IGSF11: variants seen among roughly 807,000 people sequenced by gnomAD.
The protein encoded by IGSF11 is immunoglobulin superfamily member 11, also known as CXADR like 1.
A neutral mutation model predicts 41.0 loss-of-function variants in IGSF11; 22 were observed. The observed-to-expected ratio is 0.54, with a 90% CI of 0.38 to 0.77. The LOEUF is 0.77. Ranked by LOEUF, IGSF11 falls within the 30% of genes least tolerant of loss-of-function variation. IGSF11 has a pLI of 0.00. For synonymous variants in IGSF11, 219 were observed against 201.3 expected, an observed-to-expected ratio of 1.09 and a Z score of -0.74; for missense variants, 444 against 530.8, an observed-to-expected ratio of 0.84 and a Z score of 1.61.
chr3:119,039,556 G>T (rs559471149), upstream of IGSF11, among the ~76,000 whole-genome samples: 2 of 152,288 alleles, frequency 1.3e-5, no homozygotes, highest in South Asian at 4.1e-4. Context: ...AGGTTCTGGG[G>T]ATTAGGAAGT....
At chr3:119,087,475 A>G (rs1321879642) in intron 1 of IGSF11, among the ~76,000 whole-genome samples, 1 of 152,042 alleles carries the variant, frequency 6.6e-6, no homozygotes, top group South Asian at 2.1e-4. Flanking sequence ...CATACACAGC[A>G]ACCTGGATGG....
At chr3:118,903,003 A>G (rs369198759) in intron 6 of IGSF11, 42 bp from the exon 7 acceptor site, 1 of 1,555,566 alleles carries the variant, frequency 6.4e-7, no homozygotes, top group Admixed American at 1.7e-5. Flanking sequence ...ATTTACTTCA[A>G]GTTAATCCTA....
intron 1 of IGSF11, among the ~76,000 whole-genome samples, chr3:119,065,659 G>A (rs912406227): frequency 2.6e-5 from 4 of 152,046 alleles, no homozygotes; most frequent in African/African-American, 9.6e-5. Flanking sequence ...TGGGCATGGT[G>A]GTGTGCAACT....
intron 1 of IGSF11, among the ~76,000 whole-genome samples, chr3:119,059,133 A>T (rs893080275): frequency 1.4e-5 from 2 of 144,188 alleles, no homozygotes; most frequent in South Asian, 4.4e-4. Flanking sequence ...ATAATAATAA[A>T]ATTTAAAAAA....
chr3:119,116,428 T>G (rs1381610118), intron 1 of IGSF11, among the ~76,000 whole-genome samples: 1 of 152,138 alleles, frequency 6.6e-6, no homozygotes, highest in Non-Finnish European at 1.5e-5. Context: ...TTACTCAACC[T>G]TCATAATCAC....
intron 1 of IGSF11, among the ~76,000 whole-genome samples, chr3:118,944,180 T>C (rs1424751851): frequency 6.6e-6 from 1 of 152,204 alleles, no homozygotes; most frequent in South Asian, 2.1e-4. Context: ...AACATACAAA[T>C]ATTTTAAATG....
At chr3:118,960,619 G>GA (rs1383561540) in intron 1 of IGSF11, among the ~76,000 whole-genome samples, 4 of 151,236 alleles carry the variant, frequency 2.6e-5, no homozygotes, top group African/African-American at 7.3e-5. Context: ...AATTTAAGGG[G>GA]AAAAAAACAA....
At chr3:118,958,110 C>T (rs1945091179) in intron 1 of IGSF11, among the ~76,000 whole-genome samples, 1 of 152,134 alleles carries the variant, frequency 6.6e-6, no homozygotes, top group East Asian at 1.9e-4. Context: ...TGAAAATCAC[C>T]TTTTTTCTTC....
At chr3:118,988,571 T>A (rs548776351) in intron 1 of IGSF11, among the ~76,000 whole-genome samples, 158 of 152,140 alleles carry the variant, frequency 1.0e-3, no homozygotes, top group Non-Finnish European at 1.8e-3. Context: ...TGATTAACGA[T>A]CTTTGATTAA....
intron 1 of IGSF11, among the ~76,000 whole-genome samples, chr3:118,999,171 G>A (rs1936564395): frequency 6.6e-6 from 1 of 151,888 alleles, no homozygotes; most frequent in South Asian, 2.1e-4. Flanking sequence ...ATGGGGCCAG[G>A]ATATGAGAAA....
At chr3:119,105,225 G>A (rs1197269019), upstream of IGSF11, 2 of 1,462,864 alleles carry the variant, frequency 1.4e-6, no homozygotes, top group East Asian at 2.3e-5. Flanking sequence ...GTGAGAACAG[G>A]GGAAGAGAGA....
chr3:118,985,197 A>G (rs1194637458), intron 1 of IGSF11, among the ~76,000 whole-genome samples: 1 of 152,164 alleles, frequency 6.6e-6, no homozygotes, highest in East Asian at 1.9e-4. Context: ...TCAAAATTCA[A>G]TCTTGTTTAA....
intron 1 of IGSF11, among the ~76,000 whole-genome samples, chr3:119,134,822 A>G (rs561960752): frequency 9.1e-4 from 139 of 152,362 alleles, no homozygotes; most frequent in Non-Finnish European, 1.6e-3. Context: ...ACAAGGCTAC[A>G]GTAACCACAA....
intron 1 of IGSF11, among the ~76,000 whole-genome samples, chr3:118,978,759 A>G (rs1934396762): frequency 6.6e-6 from 1 of 152,306 alleles, no homozygotes; most frequent in South Asian, 2.1e-4. Context: ...AACCGACACC[A>G]TATATTCATC....
At chr3:119,060,208 C>A (rs17202957) in intron 1 of IGSF11, among the ~76,000 whole-genome samples, 41,019 of 152,106 alleles carry the variant, frequency 0.27, 6,225 homozygotes, top group Middle Eastern at 0.4. Context: ...AGAACATTGT[C>A]TTTAGGATTA....
At chr3:118,982,250 T>C (rs748775633) in intron 1 of IGSF11, among the ~76,000 whole-genome samples, 3 of 151,386 alleles carry the variant, frequency 2.0e-5, no homozygotes, top group Non-Finnish European at 4.4e-5. Context: ...AGAGCTAGAG[T>C]TTCTAGCAAC....
Position 118,923,324 on chromosome 3 carries a change from C to T in IGSF11, c.580+2777G>A, listed in dbSNP as rs77541230. ...ACTTGGTGAAAGGAACTAGTTAGTGCGCTCAGTCTCTTTTATAAGGTTGAA... is the reference window on the plus strand; with the variant it reads ...ACTTGGTGAAAGGAACTAGTTAGTGTGCTCAGTCTCTTTTATAAGGTTGAA... On this transcript the variant is annotated intron_variant, in intron 4 of 6. Transcript: ENST00000393775. Among the ~76,000 whole-genome samples the T allele has an allele frequency of 1.6e-3, 248 of 152,228 alleles. 3 individuals carry two copies. The highest frequency in any genetic ancestry group is 5.9e-3 in the African/African-American group (244 of 41,540).
intron 2 of IGSF11, among the ~76,000 whole-genome samples, chr3:118,929,477 G>A (rs1425223997): frequency 1.3e-5 from 2 of 152,120 alleles, no homozygotes; most frequent in African/African-American, 2.4e-5. Context: ...CTTACTGAAG[G>A]AGAAAAGCTC....
At chr3:118,939,552 G>T (rs1395242136) in intron 1 of IGSF11, among the ~76,000 whole-genome samples, 1 of 149,800 alleles carries the variant, frequency 6.7e-6, no homozygotes, top group African/African-American at 2.5e-5. Context: ...CTCTAGCCTG[G>T]GTGACAGAGC....
Sources: gnomAD v4.1 joint callset for allele counts (sites outside exome capture counted in the v4.1 genomes callset) on GRCh38, gnomAD v4.1.1 for gene constraint, MANE v1.5 for transcripts, NCBI Gene and HGNC (gene_info 2026-07-23, HGNC 2026-07-21) for gene names.